Variants in CDAN1 observed in about 807,000 individuals in gnomAD.
The protein encoded by CDAN1 is codanin 1.
In CDAN1, 107 loss-of-function variants were observed where a neutral mutation model predicts 139.8. The observed-to-expected ratio is 0.77, with a 90% CI of 0.65 to 0.90. CDAN1 has a LOEUF of 0.90. CDAN1 is among the 40% of genes least tolerant of loss of function. CDAN1 has a pLI of 0.00. For missense variants in CDAN1, 1,667 were observed against 1,575.7 expected (o/e 1.06, Z -0.98); for synonymous variants, 776 against 660.6 (o/e 1.17, Z -2.68).
At chr15:42,734,385 C>A (rs1213815641) in intron 6 of CDAN1, 39 bp from the exon 7 acceptor site, 1 of 1,613,302 alleles carries the variant, frequency 6.2e-7, no homozygotes, top group Non-Finnish European at 8.5e-7. Flanking sequence ...GACCAGAACA[C>A]AGACTGCAAG....
intron 23 of CDAN1, chr15:42,726,667 G>A (rs1030369849): frequency 3.5e-6 from 2 of 566,518 alleles, no homozygotes; most frequent in Non-Finnish European, 3.2e-6. Flanking sequence ...CATAGCATGG[G>A]AAACGTCACT....
Position 42,728,299 on chromosome 15 carries a change from TG to T in CDAN1, c.2805-33del, listed in dbSNP as rs772115656. On this transcript the variant is annotated intron_variant, in intron 20 of 27. Coordinates refer to ENST00000356231, the MANE Select transcript of CDAN1 (RefSeq NM_138477.4). Reference sequence around the variant, plus strand: ...GGGGACAGATGGGGTCAGTGATCTCTGGGTATTTCAGCCTGGCTGCAGAAGT... The same window carrying T: ...GGGGACAGATGGGGTCAGTGATCTCTGGTATTTCAGCCTGGCTGCAGAAGT... 6 of 1,604,114 alleles carry T rather than the reference TG, an allele frequency of 3.7e-6. No homozygotes were observed. The African/African-American group carries it at 8.0e-5, about 21-fold the overall frequency.
chr15:42,727,874 T>A (rs1333269074), intron 22 of CDAN1, 81 bp downstream of exon 22: 1 of 1,601,828 alleles, frequency 6.2e-7, no homozygotes, highest in Non-Finnish European at 8.6e-7. Context: ...CTCAGTCCCA[T>A]CGCCCACAAG....
Position 42,729,341 on chromosome 15 carries a change from G to A in CDAN1, c.2429C>T (p.Ala810Val). Residue 810 changes from alanine (A) to valine (V), a missense_variant, in exon 18 of 28, where the codon GCT (alanine) becomes GTT (valine). By Grantham distance (64) the Ala-to-Val change is moderately conservative. This residue lies in a region of CDAN1 where 936 missense variants were observed against 844.1 expected (regional missense o/e 1.11). Transcript: ENST00000356231. ...TCCACTACTGCCTGACACCCACGAAGCGAGCAGTTTCCGGAGCTCTCCTGT... is the reference window on the plus strand; with the variant it reads ...TCCACTACTGCCTGACACCCACGAAACGAGCAGTTTCCGGAGCTCTCCTGT... Reference protein sequence around the residue: ...PYIGELRKLLASWVSGSSGRS... With the variant: ...PYIGELRKLLVSWVSGSSGRS... 1 of 1,614,158 alleles carries A rather than the reference G, an allele frequency of 6.2e-7. No homozygotes were observed. Among genetic ancestry groups the A allele is most frequent in the South Asian group, 1.1e-5 (1 of 91,084 alleles).
rs2061499090 is a variant in CDAN1 at position 42,724,641 on chromosome 15, A to G, written c.3559-25T>C. Reference sequence around the variant, plus strand: ...CCTGGAATACATAGAAAGATGAGGGAAAAGGCAGCATGTAATAATTCTCAA... The same window carrying G: ...CCTGGAATACATAGAAAGATGAGGGGAAAGGCAGCATGTAATAATTCTCAA... On this transcript the variant is annotated intron_variant, in intron 27 of 27. Coordinates refer to ENST00000356231, the MANE Select transcript of CDAN1 (RefSeq NM_138477.4). 3 of 1,549,894 alleles carry G rather than the reference A, an allele frequency of 1.9e-6. No homozygotes were observed. The South Asian group carries it at 3.6e-5, about 18-fold the overall frequency.
rs1414502468 is a variant in CDAN1 at position 42,730,929 on chromosome 15, C to T, written c.2003G>A (p.Ser668Asn). The T allele has an allele frequency of 1.2e-6, 2 of 1,614,222 alleles. No individual in the cohort carries two copies. The highest frequency in any genetic ancestry group is 1.7e-6 in the Non-Finnish European group (2 of 1,180,042). ...CAGAATCCCCCGCCCATTCACCTGG[C>T]TCCTGAGGGCCAGAATGGAGTCCTG... ...ELQDSILALR[S>N]QVPPVLDVRT... The change falls in exon 13 of 28, where the codon AGC becomes AAC. Residue 668 changes from serine to asparagine, a missense_variant. Coordinates refer to ENST00000356231, the MANE Select transcript of CDAN1 (RefSeq NM_138477.4).
In CDAN1 at chr15:42,735,793, G is replaced by A. The variant is rs1343579675; in HGVS notation, c.773+82C>T. 1.9e-6 allele frequency: 3 copies of A among 1,590,760 alleles called. No individual in the cohort carries two copies. In the African/African-American group the frequency reaches 4.0e-5, roughly 21 times the overall value. ...CAGGAGACAAACCCAGAGTCCCCAA[G>A]AGGGAAATCAATTTCAGGGAAAACC... On this transcript the variant is annotated intron_variant, in intron 3 of 27. Transcript: ENST00000356231.
At chr15:42,727,853 T>G (rs2061552367) in intron 22 of CDAN1, 84 bp from the exon 23 acceptor site, 5 of 1,606,146 alleles carry the variant, frequency 3.1e-6, no homozygotes, top group Non-Finnish European at 3.4e-6. Flanking sequence ...TTTTGCTGTT[T>G]CCTACTGGCT....
rs772331190 is a variant in CDAN1 at position 42,734,344 on chromosome 15, A to C, written c.1139T>G (p.Val380Gly). 6.2e-7 allele frequency: 1 copy of C among 1,614,072 alleles called. No homozygotes were observed. The highest frequency in any genetic ancestry group is 8.5e-7 in the Non-Finnish European group (1 of 1,180,026). ...AVQVLECHFQ[V>G]LSNLDKGTLK... Reference sequence around the variant, plus strand: ...GGTCCCTTTGTCCAGGTTGGAAAGAACCCTGCAGGGACAAGAGCACCTATG... The same window carrying C: ...GGTCCCTTTGTCCAGGTTGGAAAGACCCCTGCAGGGACAAGAGCACCTATG... The change falls in exon 7 of 28, where the codon GTT becomes GGT. Residue 380 changes from valine to glycine, a missense_variant and splice_region_variant. Around this residue, in one of 3 missense-constraint regions of CDAN1, gnomAD observed 244 missense variants for 309.4 expected, o/e 0.79. Coordinates refer to ENST00000356231, the MANE Select transcript of CDAN1 (RefSeq NM_138477.4).
chr15:42,724,730 C>A, intron 27 of CDAN1, 114 bp from the exon 28 acceptor site: 1 of 1,262,634 alleles, frequency 7.9e-7, no homozygotes, highest in Non-Finnish European at 1.1e-6. Context: ...CTCAACTGCC[C>A]TCCACACTGA....
rs764614063 is a variant in CDAN1, at chr15:42,735,188, C to T, written c.1058-10G>A. On this transcript the variant is annotated splice_polypyrimidine_tract_variant and intron_variant, in intron 5 of 27. Transcript: ENST00000356231. ...GGACTTTCCAGGGAATCTAGAAGGA[C>T]AGTACCAAGCTGTCAGTTAAGAACG... 3 of 1,611,638 alleles carry T rather than the reference C, an allele frequency of 1.9e-6. No homozygotes were observed. Among genetic ancestry groups the T allele is most frequent in the Non-Finnish European group, 2.5e-6 (3 of 1,177,852 alleles).
intron 1 of CDAN1, 70 bp downstream of exon 1, chr15:42,736,943 G>A (rs1231387035): frequency 2.7e-6 from 4 of 1,497,384 alleles, no homozygotes; most frequent in Admixed American, 4.2e-5. Flanking sequence ...AGAGGAAGGG[G>A]ACTGGAGGGC....
intron 19 of CDAN1, 50 bp downstream of exon 19, chr15:42,728,973 G>A (rs2061570645): frequency 1.9e-6 from 3 of 1,598,924 alleles, no homozygotes; most frequent in Non-Finnish European, 2.6e-6. Flanking sequence ...TGAGGAAAAA[G>A]GGGAAAAAAT....
chr15:42,734,944 A>G (rs1315377295), intron 6 of CDAN1, among the ~76,000 whole-genome samples, 156 bp downstream of exon 6: 2 of 152,156 alleles, frequency 1.3e-5, no homozygotes, highest in Non-Finnish European at 2.9e-5. Flanking sequence ...CAGGGACTAC[A>G]TTCATAGCCT....
In CDAN1 at chr15:42,736,318, G is replaced by A. The variant is rs777322588; in HGVS notation, c.553C>T (p.Pro185Ser). ...LEEFPPVGSV[P>S]PGPTGTKPSR... ...GAGTCTCACCCTGTAGGGCCGGGGG[G>A]AACCGAGCCTACGGGAGGGAACTCC... The change falls in exon 2 of 28, where the codon CCC becomes TCC. Residue 185 changes from proline (P) to serine (S), a missense_variant. Pro to Ser is a moderately conservative substitution (Grantham distance 74, BLOSUM62 -1). Around this residue, in one of 3 missense-constraint regions of CDAN1, gnomAD observed 487 missense variants for 422.2 expected, o/e 1.15. Transcript: ENST00000356231. 56 of 1,613,566 alleles carry A rather than the reference G, an allele frequency of 3.5e-5. No homozygotes were observed. The Admixed American group carries it at 7.2e-4, about 21-fold the overall frequency.
At chr15:42,724,972 A>G (rs2061503194) in intron 27 of CDAN1, 172 bp downstream of exon 27, 1 of 697,106 alleles carries the variant, frequency 1.4e-6, no homozygotes, top group Non-Finnish European at 2.6e-6. Context: ...CCGTCTTCCC[A>G]CTAACACAGT....
Position 42,735,316 on chromosome 15 carries a change from G to A in CDAN1, c.1002C>T (p.Ala334=), listed in dbSNP as rs759554202. The stretch of plus-strand genomic sequence containing the variant: ...TGTCCTTGGCAGTCACCATCCTCCG[G>A]GCAGTGAGGAGCTGAAAGACGAAGA... ...ELFFVFQLLT[A]RRMVTAKDSD... The change falls in exon 5 of 28, where the codon GCC becomes GCT. Residue 334 remains alanine (A), a synonymous_variant. Coordinates refer to ENST00000356231, the MANE Select transcript of CDAN1 (RefSeq NM_138477.4). 6.2e-7 allele frequency: 1 copy of A among 1,610,672 alleles called. No homozygotes were observed. The highest frequency in any genetic ancestry group is 1.6e-4 in the Middle Eastern group (1 of 6,062).
chr15:42,732,602 T>G (rs2061628513), intron 9 of CDAN1, among the ~76,000 whole-genome samples, 194 bp from the exon 10 acceptor site: 1 of 151,940 alleles, frequency 6.6e-6, no homozygotes, highest in African/African-American at 2.4e-5. Context: ...AGGCTAGAGG[T>G]GCACTTAACC....
intron 20 of CDAN1, 79 bp from the exon 21 acceptor site, chr15:42,728,346 G>T: frequency 6.8e-7 from 1 of 1,474,164 alleles, no homozygotes. Flanking sequence ...AGTGCACCAA[G>T]CCCCTGACCT....
Sources: gnomAD v4.1 joint callset for allele counts (sites outside exome capture counted in the v4.1 genomes callset) on GRCh38, gnomAD v4.1.1 for gene constraint, gnomAD v4.1.1 regional missense constraint, MANE v1.5 for transcripts, NCBI Gene and HGNC (gene_info 2026-07-23, HGNC 2026-07-21) for gene names.